The following GNAQ variants were observed in gnomAD, a reference collection of about 807,000 sequenced individuals.
The protein encoded by GNAQ is guanine nucleotide-binding protein G(q) subunit alpha.
A neutral mutation model predicts 43.9 loss-of-function variants in GNAQ; 8 were observed. The ratio of observed to expected loss-of-function variants is 0.18; its 90% confidence interval spans 0.11 to 0.33. GNAQ has a LOEUF of 0.33. Ranked by LOEUF, GNAQ falls within the 10% of genes least tolerant of loss-of-function variation. The pLI, the probability that GNAQ is intolerant of heterozygous loss-of-function variation, is 1.00. For missense variants in GNAQ, 158 were observed against 450.8 expected (o/e 0.35, Z 5.88); for synonymous variants, 155 against 170.7 (o/e 0.91, Z 0.71).
chr9:77,867,270 A>G (rs945008937), intron 2 of GNAQ, among the ~76,000 whole-genome samples: 1 of 152,162 alleles, frequency 6.6e-6, no homozygotes, highest in Non-Finnish European at 1.5e-5. Flanking sequence ...ATTGTTTGAA[A>G]AATTCATTTG....
chr9:77,973,923 T>C (rs911158670), intron 1 of GNAQ, among the ~76,000 whole-genome samples: 1 of 152,180 alleles, frequency 6.6e-6, no homozygotes, highest in Non-Finnish European at 1.5e-5. Context: ...ACTGGGTTAT[T>C]ATATAATAAG....
At chr9:77,788,245 T>G (rs1196772550) in intron 5 of GNAQ, among the ~76,000 whole-genome samples, 1 of 152,082 alleles carries the variant, frequency 6.6e-6, no homozygotes, top group Non-Finnish European at 1.5e-5. Flanking sequence ...AAAGGTAATG[T>G]GCATTACAAA....
At chr9:78,020,822 C>T (rs746772644) in intron 1 of GNAQ, among the ~76,000 whole-genome samples, 2 of 152,094 alleles carry the variant, frequency 1.3e-5, no homozygotes, top group African/African-American at 2.4e-5. Flanking sequence ...CATTCAACTG[C>T]AAATGTGAGG....
At chr9:77,786,346 ACT>A in intron 5 of GNAQ, among the ~76,000 whole-genome samples, 1 of 145,134 alleles carries the variant, frequency 6.9e-6, no homozygotes, top group East Asian at 2.0e-4. Context: ...ACAGAGTGAG[ACT>A]CTGTCTCAAA....
At chr9:77,885,992 T>C (rs1282672506) in intron 2 of GNAQ, among the ~76,000 whole-genome samples, 1 of 63,622 alleles carries the variant, frequency 1.6e-5, no homozygotes, top group Non-Finnish European at 3.3e-5. Flanking sequence ...GACCTTTTTT[T>C]TGAGACAAGA....
At chr9:77,853,028 G>A (rs1046235448) in intron 2 of GNAQ, among the ~76,000 whole-genome samples, 1 of 152,094 alleles carries the variant, frequency 6.6e-6, no homozygotes, top group Admixed American at 6.5e-5. Context: ...TTTTTCCTTT[G>A]TCTCTTTCTA....
chr9:78,024,392 T>C (rs369611293), intron 1 of GNAQ, among the ~76,000 whole-genome samples: 23 of 152,302 alleles, frequency 1.5e-4, no homozygotes, highest in African/African-American at 5.3e-4. Flanking sequence ...TTACCCTCCA[T>C]TCTTTTTGGA....
At chr9:77,862,007 G>GTT (rs1276928963) in intron 2 of GNAQ, among the ~76,000 whole-genome samples, 1 of 94,232 alleles carries the variant, frequency 1.1e-5, no homozygotes, top group Admixed American at 1.0e-4. Context: ...TCTGTCTGGG[G>GTT]TAAAAAAAAA....
chr9:77,819,222 C>A (rs1827071631), intron 2 of GNAQ, among the ~76,000 whole-genome samples: 1 of 152,092 alleles, frequency 6.6e-6, no homozygotes, highest in African/African-American at 2.4e-5. Context: ...CTCTCAGGAA[C>A]TCTGGCAGAA....
chr9:77,931,436 C>T (rs1206350714), intron 1 of GNAQ, among the ~76,000 whole-genome samples: 3 of 151,850 alleles, frequency 2.0e-5, no homozygotes, highest in Non-Finnish European at 4.4e-5. Flanking sequence ...ACCAAAAATA[C>T]AAAAATTAGC....
chr9:77,903,316 GGGT>G (rs1828641544), intron 2 of GNAQ, among the ~76,000 whole-genome samples: 2 of 152,208 alleles, frequency 1.3e-5, no homozygotes, highest in African/African-American at 4.8e-5. Flanking sequence ...AAGGCAGCAT[GGGT>G]GTTGGACGCT....
chr9:77,816,454 A>G (rs2118512888), intron 2 of GNAQ, among the ~76,000 whole-genome samples: 1 of 152,298 alleles, frequency 6.6e-6, no homozygotes, highest in Non-Finnish European at 1.5e-5. Context: ...GGCTATATTC[A>G]TTTAGCAGGA....
chr9:77,853,420 T>C (rs557543712), intron 2 of GNAQ, among the ~76,000 whole-genome samples: 1 of 152,324 alleles, frequency 6.6e-6, no homozygotes, highest in East Asian at 1.9e-4. Context: ...TGTGACATAT[T>C]ATTATTATTT....
At chr9:77,887,718 T>C (rs1036929737) in intron 2 of GNAQ, among the ~76,000 whole-genome samples, 3 of 152,200 alleles carry the variant, frequency 2.0e-5, no homozygotes, top group African/African-American at 7.2e-5. Context: ...CTTAGAAATA[T>C]TAAAAGACTA....
intron 5 of GNAQ, among the ~76,000 whole-genome samples, chr9:77,789,993 A>T (rs1261591912): frequency 6.6e-6 from 1 of 152,160 alleles, no homozygotes; most frequent in East Asian, 1.9e-4. Context: ...AGGTGAGAGA[A>T]GGAGTTTAAA....
intron 5 of GNAQ, among the ~76,000 whole-genome samples, chr9:77,782,911 T>C (rs979489039): frequency 6.6e-6 from 1 of 152,212 alleles, no homozygotes; most frequent in South Asian, 2.1e-4. Context: ...ACAAACTGTA[T>C]GATTCTAACT....
In GNAQ at chr9:77,719,144, G is replaced by C. The variant is rs1296002500; in HGVS notation, c.*2179C>G. On this transcript the variant is annotated 3_prime_UTR_variant, in exon 7 of 7. Transcript: ENST00000286548. ...TTTTTTTTTTCTTCTTTTCTAAATG[G>C]AAAGAAAATATCCCTAGTCAGAAAT... 1 of 231,046 alleles carries C rather than the reference G, an allele frequency of 4.3e-6. No individual in the cohort carries two copies. Among genetic ancestry groups the C allele is most frequent in the East Asian group, 6.1e-5 (1 of 16,332 alleles). The allele number at this position is 231,046 out of a possible 1,614,324, so 14.3% of individuals were successfully genotyped here. A position where few individuals can be genotyped will look rare whatever the true frequency, so the allele number is the denominator to read the frequency against.
At chr9:77,985,270 G>A (rs950513656) in intron 1 of GNAQ, among the ~76,000 whole-genome samples, 8 of 152,250 alleles carry the variant, frequency 5.3e-5, no homozygotes, top group Non-Finnish European at 1.0e-4. Context: ...CTGAGATCTC[G>A]CCACTGCACT....
chr9:77,767,280 G>T (rs10869968), intron 5 of GNAQ, among the ~76,000 whole-genome samples: 82,358 of 151,616 alleles, frequency 0.54, 24,854 homozygotes, highest in Non-Finnish European at 0.68. Context: ...GCCGCAAGAG[G>T]TTCAGCAGCA....
Sources: allele counts gnomAD v4.1 joint callset (sites outside exome capture counted in the v4.1 genomes callset), GRCh38; gene constraint gnomAD v4.1.1; transcripts MANE v1.5; gene names NCBI Gene and HGNC (gene_info 2026-07-23, HGNC 2026-07-21).